Variants in FAM107B observed in about 807,000 individuals in gnomAD.
The protein encoded by FAM107B is protein FAM107B.
FAM107B carries 21 observed loss-of-function variants against 31.5 expected under a neutral mutation model. The ratio of observed to expected loss-of-function variants is 0.67; its 90% CI spans 0.47 to 0.96. The LOEUF is 0.96. Ranked by LOEUF, FAM107B falls within the 40% of genes least tolerant of loss-of-function variation. The pLI, the probability that FAM107B is intolerant of heterozygous loss-of-function variation, is 0.00. For synonymous variants in FAM107B, 157 were observed against 141.5 expected (o/e 1.11, Z -0.78); for missense variants, 452 against 377.1 (o/e 1.20, Z -1.64).
At chr10:14,521,707 C>A (rs1401066776) in intron 4 of FAM107B, among the ~76,000 whole-genome samples, 162 bp downstream of exon 4, 1 of 152,200 alleles carries the variant, frequency 6.6e-6, no homozygotes, top group Non-Finnish European at 1.5e-5. Context: ...CTTGTCCCTG[C>A]CTTGAACATA....
chr10:14,773,470 G>T (rs1461978133), intron 1 of FAM107B, among the ~76,000 whole-genome samples: 13 of 152,204 alleles, frequency 8.5e-5, no homozygotes, highest in Admixed American at 8.5e-4. Context: ...ATGGTCAAGA[G>T]ATATCTTTGG....
intron 1 of FAM107B, among the ~76,000 whole-genome samples, chr10:14,699,594 A>G (rs937351784): frequency 2.0e-5 from 3 of 152,220 alleles, no homozygotes; most frequent in African/African-American, 7.2e-5. Flanking sequence ...TGCCCACATC[A>G]GCAAGGGATA....
intron 1 of FAM107B, among the ~76,000 whole-genome samples, chr10:14,675,226 T>C (rs76249032): frequency 6.6e-6 from 1 of 152,284 alleles, no homozygotes; most frequent in East Asian, 1.9e-4. Flanking sequence ...TCCATGGGAA[T>C]AAGCTGGGCG....
Position 14,729,495 on chromosome 10 carries a change from G to C in FAM107B, c.411+44758C>G, listed in dbSNP as rs975546451. Among the ~76,000 whole-genome samples, 5 of 55,296 alleles carry C rather than the reference G, an allele frequency of 9.0e-5. No individual in the cohort carries two copies. The African/African-American group carries it at 1.1e-3, about 12-fold the overall frequency. 36.3% of individuals were successfully genotyped at this position (55,296 alleles called of 152,430 possible). On this transcript the variant is annotated intron_variant, in intron 1 of 4. Transcript: ENST00000181796. Reference sequence around the variant, plus strand: ...GCCCTCAAGGAGTAGTGTGATGAGTGTCAGGGGGCATAAGTATGGAGCAGA... The same window carrying C: ...GCCCTCAAGGAGTAGTGTGATGAGTCTCAGGGGGCATAAGTATGGAGCAGA...
chr10:14,522,135 A>C, intron 3 of FAM107B, 116 bp from the exon 4 acceptor site: 1 of 1,337,196 alleles, frequency 7.5e-7, no homozygotes, highest in Non-Finnish European at 1.0e-6. Context: ...AATTAGTATG[A>C]TACCTACTAG....
At position 14,772,296 on chromosome 10, in the gene FAM107B, G is replaced by A. The variant is rs564222377; in HGVS notation, c.411+1957C>T. On this transcript the variant is annotated intron_variant, in intron 1 of 4. Coordinates refer to ENST00000181796, the MANE Select transcript of FAM107B (RefSeq NM_031453.4). ...TTGAACCTGGGAGGCAGAGGCTGCA[G>A]TGAGCCAAGATCGTGCCACTGCACT... Among the ~76,000 whole-genome samples, 397 of 152,052 alleles carry A rather than the reference G, an allele frequency of 2.6e-3. 5 individuals are homozygous for A. The highest frequency in any genetic ancestry group is 9.4e-3 in the African/African-American group (391 of 41,398).
chr10:14,634,379 CACAGAGCGAG>C (rs1246716117), intron 2 of FAM107B, among the ~76,000 whole-genome samples: 1 of 146,388 alleles, frequency 6.8e-6, no homozygotes. Flanking sequence ...CAGCCTGGAC[CACAGAGCGAG>C]ACTCTGTCTC....
Position 14,774,554 on chromosome 10 carries a change from C to A in FAM107B, c.110G>T (p.Ser37Ile). Residue 37 changes from serine (S) to isoleucine (I), a missense_variant, in exon 1 of 5, where the codon AGT becomes ATT. By Grantham distance (142) the Ser-to-Ile change is moderately radical (BLOSUM62 -2). Transcript: ENST00000181796. ...LLACFGNTRE[S>I]ASFNQSGVAD... ...CACGCCGGACTGATTGAAGGAAGCA[C>A]TCTCCCTCGTATTCCCAAAACAGGC... The A allele has an allele frequency of 6.2e-7, 1 of 1,614,204 alleles. No homozygotes were observed. The highest frequency in any genetic ancestry group is 8.5e-7 in the Non-Finnish European group (1 of 1,180,034).
intron 2 of FAM107B, among the ~76,000 whole-genome samples, chr10:14,552,803 G>C (rs1333430000): frequency 7.9e-5 from 12 of 151,882 alleles, no homozygotes; most frequent in African/African-American, 1.9e-4. Flanking sequence ...TGTACTGGGT[G>C]ACAGAGTAAG....
intron 1 of FAM107B, among the ~76,000 whole-genome samples, chr10:14,760,288 C>T (rs1455912818): frequency 1.3e-5 from 2 of 152,156 alleles, no homozygotes; most frequent in Admixed American, 6.5e-5. Context: ...ATTTCTTGCA[C>T]GGCAGAGAAC....
intron 1 of FAM107B, among the ~76,000 whole-genome samples, chr10:14,751,079 A>G (rs1314037020): frequency 2.0e-5 from 3 of 152,192 alleles, no homozygotes; most frequent in South Asian, 2.1e-4. Context: ...TGCTGTTGAC[A>G]TCCGCTAGGT....
At chr10:14,690,634 A>G (rs1855110959) in intron 1 of FAM107B, among the ~76,000 whole-genome samples, 1 of 151,964 alleles carries the variant, frequency 6.6e-6, no homozygotes, top group Admixed American at 6.6e-5. Context: ...TTGTATTTTT[A>G]GTAGAGACAG....
At chr10:14,617,890 G>C (rs1852894607) in intron 2 of FAM107B, among the ~76,000 whole-genome samples, 1 of 152,104 alleles carries the variant, frequency 6.6e-6, no homozygotes, top group South Asian at 2.1e-4. Flanking sequence ...CTGGGAGGTG[G>C]GGTTTACAGG....
intron 1 of FAM107B, among the ~76,000 whole-genome samples, chr10:14,708,470 C>T (rs1194468931): frequency 6.6e-6 from 1 of 152,166 alleles, no homozygotes; most frequent in African/African-American, 2.4e-5. Flanking sequence ...GCAGTGAAGA[C>T]ATGACAGGGT....
At chr10:14,635,301 AG>A (rs572269272) in intron 2 of FAM107B, among the ~76,000 whole-genome samples, 13 of 152,342 alleles carry the variant, frequency 8.5e-5, no homozygotes, top group African/African-American at 2.9e-4. Flanking sequence ...AATTCTCCAC[AG>A]GAACTCTGCC....
chr10:14,585,827 G>A (rs1368891623), intron 2 of FAM107B, among the ~76,000 whole-genome samples: 1 of 152,156 alleles, frequency 6.6e-6, no homozygotes, highest in Non-Finnish European at 1.5e-5. Flanking sequence ...AAGTACTCGT[G>A]AGTAGGGTGA....
chr10:14,546,602 T>G (rs7079377), intron 2 of FAM107B, among the ~76,000 whole-genome samples: 121,833 of 152,142 alleles, frequency 0.8, 49,329 homozygotes, highest in East Asian at 0.89. Context: ...AAAATTTGCA[T>G]TATTACCATT....
chr10:14,645,995 C>T (rs1355270612), intron 2 of FAM107B, among the ~76,000 whole-genome samples: 1 of 152,156 alleles, frequency 6.6e-6, no homozygotes, highest in Admixed American at 6.5e-5. Context: ...AACTTCTCAG[C>T]TCTCCTCCCT....
At chr10:14,706,867 C>G (rs890170287) in intron 1 of FAM107B, among the ~76,000 whole-genome samples, 4 of 152,210 alleles carry the variant, frequency 2.6e-5, no homozygotes, top group South Asian at 4.1e-4. Context: ...TGTCTCACGC[C>G]TGGAATCCCA....
Sources: gnomAD v4.1 joint callset for allele counts (sites outside exome capture counted in the v4.1 genomes callset) on GRCh38, gnomAD v4.1.1 for gene constraint, MANE v1.5 for transcripts, NCBI Gene and HGNC (gene_info 2026-07-23, HGNC 2026-07-21) for gene names.